TECPR1: variants seen among roughly 807,000 people sequenced by gnomAD.
The protein encoded by TECPR1 is tectonin beta-propeller repeat containing 1, also known as tectonin beta-propeller repeat-containing protein 1.
In TECPR1, 122 loss-of-function variants were observed where a neutral mutation model predicts 162.4. The ratio of observed to expected loss-of-function variants is 0.75; its 90% CI spans 0.65 to 0.87. TECPR1 has a LOEUF of 0.87. Among genes scored for constraint, TECPR1 ranks in the 40% least tolerant of loss-of-function variants. TECPR1 has a pLI of 0.00. For synonymous variants in TECPR1, 642 were observed against 670.6 expected, an observed-to-expected ratio of 0.96 and a Z score of 0.66; for missense variants, 1,432 against 1,618.2, an observed-to-expected ratio of 0.88 and a Z score of 1.97.
Position 98,236,826 on chromosome 7 carries a change from C to G in TECPR1, c.1131G>C (p.Ala377=), listed in dbSNP as rs571232000. The change falls in exon 10 of 26, where the codon GCG becomes GCC. Residue 377 remains alanine, a synonymous_variant. Coordinates refer to ENST00000447648, the MANE Select transcript of TECPR1 (RefSeq NM_015395.3). ...LSGKTWKAII[A]ARECDRSHSG... ...AGTGTGACCGGTCACACTCTCGGGC[C>G]GCGATGATGGCTTTCCAGGTCTTCC... 1.3e-6 allele frequency: 2 copies of G among 1,588,372 alleles called. No individual in the cohort carries two copies. Among genetic ancestry groups the G allele is most frequent in the Non-Finnish European group, 1.7e-6 (2 of 1,171,002 alleles).
chr7:98,222,696 A>G, intron 21 of TECPR1, 175 bp from the exon 22 acceptor site: 1 of 889,542 alleles, frequency 1.1e-6, no homozygotes, highest in Non-Finnish European at 1.7e-6. Context: ...TCCTGGGCGC[A>G]TCTCATCCTC....
At chr7:98,249,427 T>A (rs1007678380) in intron 2 of TECPR1, among the ~76,000 whole-genome samples, 3 of 152,132 alleles carry the variant, frequency 2.0e-5, no homozygotes, top group African/African-American at 7.2e-5. Flanking sequence ...GTCAAACATA[T>A]GAGAAAATCA....
chr7:98,231,231 T>C lies in TECPR1; in HGVS notation c.2117A>G (p.Asn706Ser), dbSNP rs1204178641. ...RLAAATEQDM[N>S]DWLALLSLSC... ...GGACCACCGACCACTCACCCAGTCA[T>C]TCATGTCCTGCTCGGTGGCAGCAGC... The change falls in exon 14 of 26, where the codon AAT becomes AGT. Residue 706 changes from asparagine to serine, a missense_variant. Coordinates refer to ENST00000447648, the MANE Select transcript of TECPR1 (RefSeq NM_015395.3). 6.2e-7 allele frequency: 1 copy of C among 1,612,530 alleles called. No homozygotes were observed. Among genetic ancestry groups the C allele is most frequent in the Non-Finnish European group, 8.5e-7 (1 of 1,179,736 alleles).
intron 15 of TECPR1, among the ~76,000 whole-genome samples, chr7:98,229,852 C>G (rs923986167): frequency 1.3e-5 from 2 of 152,156 alleles, no homozygotes; most frequent in African/African-American, 4.8e-5. Flanking sequence ...AGCCCAGGAC[C>G]TCGTCGGCTT....
At chr7:98,247,554 C>G (rs1253477998) in intron 2 of TECPR1, among the ~76,000 whole-genome samples, 1 of 152,090 alleles carries the variant, frequency 6.6e-6, no homozygotes, top group Non-Finnish European at 1.5e-5. Context: ...GCAGGTCTCC[C>G]CGCCATGTTG....
intron 19 of TECPR1, among the ~76,000 whole-genome samples, chr7:98,223,998 G>GTCGGGCC (rs1219352079): frequency 1.3e-5 from 2 of 152,208 alleles, no homozygotes; most frequent in Admixed American, 6.5e-5. Context: ...GGGGAAGGGG[G>GTCGGGCC]TCGGGCCTCC....
chr7:98,231,666 CCCTCATTTCTGTGTCCCTCCCTGGGCA>C, intron 13 of TECPR1, 111 bp downstream of exon 13: 1 of 1,052,638 alleles, frequency 9.5e-7, no homozygotes, highest in East Asian at 2.6e-5. Flanking sequence ...CCCCTGGGTA[CCCTCATTTCTGTGTCCCTCCCTGGGCA>C]CCCTCATTTC....
intron 23 of TECPR1, among the ~76,000 whole-genome samples, chr7:98,218,289 G>A (rs1476211803): frequency 6.6e-6 from 1 of 152,186 alleles, no homozygotes; most frequent in Non-Finnish European, 1.5e-5. Context: ...CCTCATAATC[G>A]CCCTATTGTG....
intron 8 of TECPR1, among the ~76,000 whole-genome samples, chr7:98,239,010 C>T (rs577748343): frequency 3.7e-4 from 56 of 152,232 alleles, no homozygotes; most frequent in Non-Finnish European, 5.4e-4. Context: ...AAAAACAAGA[C>T]CCCTATTTTG....
At position 98,232,778 on chromosome 7, in the gene TECPR1, A is replaced by G; in HGVS notation, c.1818+49T>C. 6.7e-7 allele frequency: 1 copy of G among 1,493,106 alleles called. No homozygotes were observed. Among genetic ancestry groups the G allele is most frequent in the East Asian group, 2.5e-5 (1 of 40,482 alleles). The allele number at this position is 1,493,106 out of a possible 1,614,324, so 92.5% of individuals were successfully genotyped here. A position where few individuals can be genotyped will look rare whatever the true frequency, so the allele number is the denominator to read the frequency against. ...GTACACAGCAGGCGCTCAATGAATG[A>G]TTGCTGGAAAAAAAAAAAAAATGCA... On this transcript the variant is annotated intron_variant, in intron 12 of 25. Transcript: ENST00000447648. The surrounding 1 kb of genome is among the most constrained non-coding windows in gnomAD (Gnocchi z 4.6).
intron 23 of TECPR1, among the ~76,000 whole-genome samples, 179 bp downstream of exon 23, chr7:98,221,482 G>GTTTTGT (rs1562932751): frequency 7.4e-6 from 1 of 135,396 alleles, no homozygotes; most frequent in Non-Finnish European, 1.6e-5. Flanking sequence ...AAAAATTAAA[G>GTTTTGT]TTTTTTTTTT....
intron 9 of TECPR1, among the ~76,000 whole-genome samples, chr7:98,237,626 G>A (rs1798635906): frequency 6.6e-6 from 1 of 151,988 alleles, no homozygotes; most frequent in Non-Finnish European, 1.5e-5. Context: ...GTGCTACCAC[G>A]CCCAGCTAAT....
chr7:98,238,615 G>A lies in TECPR1; in HGVS notation c.934-5C>T, dbSNP rs1298783969. 1 of 1,559,842 alleles carries A rather than the reference G, an allele frequency of 6.4e-7. No individual in the cohort carries two copies. The highest frequency in any genetic ancestry group is 8.7e-7 in the Non-Finnish European group (1 of 1,151,792). ...GACGCCTCTTCGGAACCACACCTGG[G>A]GGAGTCAGAAATAAACATGCCTTCC... On this transcript the variant is annotated splice_polypyrimidine_tract_variant and splice_region_variant and intron_variant, in intron 8 of 25. Coordinates refer to ENST00000447648, the MANE Select transcript of TECPR1 (RefSeq NM_015395.3).
At chr7:98,233,111 G>C in intron 11 of TECPR1, 139 bp from the exon 12 acceptor site, 1 of 1,069,318 alleles carries the variant, frequency 9.4e-7, no homozygotes. Flanking sequence ...TCCACCCTTT[G>C]CCCTGTTGGA....
At chr7:98,236,084 C>G (rs1175520253) in intron 10 of TECPR1, among the ~76,000 whole-genome samples, 1 of 152,172 alleles carries the variant, frequency 6.6e-6, no homozygotes, top group Non-Finnish European at 1.5e-5. Context: ...GTGGACACGC[C>G]CGCTGCAGAG....
intron 23 of TECPR1, among the ~76,000 whole-genome samples, chr7:98,219,813 A>C (rs530384858): frequency 2.6e-4 from 39 of 152,202 alleles, no homozygotes; most frequent in Non-Finnish European, 4.3e-4. Flanking sequence ...AGGTAGGAGA[A>C]TCGCTTGAAC....
At chr7:98,231,402 C>G in intron 13 of TECPR1, 29 bp from the exon 14 acceptor site, 2 of 1,568,560 alleles carry the variant, frequency 1.3e-6, no homozygotes, top group Non-Finnish European at 1.7e-6. Context: ...CCCGGCAGGG[C>G]TGTCACCCAG....
chr7:98,222,416 G>A lies in TECPR1; in HGVS notation c.3034C>T (p.Arg1012Trp), dbSNP rs570515591. 28 of 1,597,118 alleles carry A rather than the reference G, an allele frequency of 1.8e-5. No individual in the cohort carries two copies. The highest frequency in any genetic ancestry group is 4.5e-5 in the South Asian group (4 of 88,254). ...AVARDGSAFY[R>W]GSVYPSQPAG... ...GGCTGCGAGGGGTACACGGATCCCC[G>A]GTAGAAGGCGGAGCCGTCCCTTGCC... Residue 1012 changes from arginine to tryptophan, a missense_variant, in exon 22 of 26, where the codon CGG becomes TGG. Arg to Trp is a moderately radical substitution (Grantham distance 101). Transcript: ENST00000447648.
intron 21 of TECPR1, 125 bp from the exon 22 acceptor site, chr7:98,222,646 CACACAG>C: frequency 8.7e-7 from 1 of 1,154,766 alleles, no homozygotes; most frequent in Non-Finnish European, 1.2e-6. Context: ...AGCCGGGAGT[CACACAG>C]CCCCACCCGG....
Sources: allele counts gnomAD v4.1 joint callset (sites outside exome capture counted in the v4.1 genomes callset), GRCh38; gene constraint gnomAD v4.1.1; non-coding constraint Gnocchi (gnomAD v3.1); transcripts MANE v1.5; gene names NCBI Gene and HGNC (gene_info 2026-07-23, HGNC 2026-07-21).